Variants in CTNNA2 observed in about 807,000 individuals in gnomAD.
CTNNA2 encodes the protein catenin alpha-2.
CTNNA2 carries 42 observed loss-of-function variants against 101.0 expected under a neutral mutation model. That is an observed-to-expected ratio of 0.42 (90% confidence interval 0.32 to 0.54). The LOEUF (loss-of-function observed/expected upper bound fraction) is 0.54. Among genes scored for constraint, CTNNA2 ranks in the 20% least tolerant of loss-of-function variants. CTNNA2 has a pLI of 0.14. For synonymous variants in CTNNA2, 450 were observed against 456.4 expected, an observed-to-expected ratio of 0.99 and a Z score of 0.18; for missense variants, 871 against 1,223.1, an observed-to-expected ratio of 0.71 and a Z score of 4.29.
intron 2 of CTNNA2, among the ~76,000 whole-genome samples, chr2:79,239,932 C>CTT (rs746189807): frequency 4.6e-5 from 5 of 109,274 alleles, no homozygotes; most frequent in Non-Finnish European, 7.9e-5. Context: ...TTTTCTTTTT[C>CTT]TTTCTTTTTT....
intron 3 of CTNNA2, among the ~76,000 whole-genome samples, chr2:79,362,462 A>C (rs1407680021): frequency 1.3e-5 from 2 of 152,188 alleles, no homozygotes; most frequent in African/African-American, 4.8e-5. Context: ...AAGTATTAGC[A>C]AAAGTGGACC....
At chr2:80,470,046 G>A (rs978328685) in intron 9 of CTNNA2, among the ~76,000 whole-genome samples, 2 of 152,156 alleles carry the variant, frequency 1.3e-5, no homozygotes, top group African/African-American at 2.4e-5. Flanking sequence ...CCCTCCTTCA[G>A]CATTCCTTTA....
chr2:79,812,067 C>T (rs1677084984), intron 3 of CTNNA2, among the ~76,000 whole-genome samples: 1 of 152,092 alleles, frequency 6.6e-6, no homozygotes, highest in African/African-American at 2.4e-5. Context: ...TGCATGTATG[C>T]ATGTATGCGT....
At chr2:79,492,810 G>T (rs77792510) in intron 4 of CTNNA2, among the ~76,000 whole-genome samples, 1 of 151,930 alleles carries the variant, frequency 6.6e-6, no homozygotes, top group Non-Finnish European at 1.5e-5. Flanking sequence ...AAAAATCCTC[G>T]CCAAAATACT....
chr2:80,555,322 T>C (rs913388845), intron 11 of CTNNA2, among the ~76,000 whole-genome samples: 10 of 152,206 alleles, frequency 6.6e-5, no homozygotes, highest in African/African-American at 2.4e-4. Flanking sequence ...AGTATCAAAC[T>C]TCAAAACAAA....
At chr2:80,512,149 CAAAAAAAA>C (rs59359924) in intron 9 of CTNNA2, among the ~76,000 whole-genome samples, 33 of 73,476 alleles carry the variant, frequency 4.5e-4, no homozygotes, top group East Asian at 4.2e-3. Context: ...CACTCTGTCT[CAAAAAAAA>C]AAAAAAAAAA....
At chr2:80,347,838 C>A (rs201642774) in intron 7 of CTNNA2, among the ~76,000 whole-genome samples, 2 of 146,786 alleles carry the variant, frequency 1.4e-5, no homozygotes, top group Admixed American at 1.4e-4. Context: ...TTTTTCTTTT[C>A]TTTTCTTTTT....
At chr2:80,076,803 A>T (rs538724782) in intron 7 of CTNNA2, among the ~76,000 whole-genome samples, 19 of 152,236 alleles carry the variant, frequency 1.2e-4, no homozygotes, top group African/African-American at 4.6e-4. Context: ...AAAGATAAAT[A>T]GGAGATGCTT....
intron 2 of CTNNA2, among the ~76,000 whole-genome samples, chr2:79,217,436 G>GT (rs1674281084): frequency 6.6e-6 from 1 of 152,030 alleles, no homozygotes; most frequent in Non-Finnish European, 1.5e-5. Context: ...AGGTGGGGCC[G>GT]TTTTATAAGA....
chr2:80,127,800 G>A (rs1218515154), intron 7 of CTNNA2, among the ~76,000 whole-genome samples: 3 of 152,038 alleles, frequency 2.0e-5, no homozygotes. Flanking sequence ...CTGGAACTCT[G>A]GGCTATCAAT....
intron 7 of CTNNA2, among the ~76,000 whole-genome samples, chr2:80,335,277 T>A (rs1671673792): frequency 6.6e-6 from 1 of 152,070 alleles, no homozygotes; most frequent in Non-Finnish European, 1.5e-5. Flanking sequence ...ACTCCAGGAG[T>A]AGTTGCATTT....
chr2:80,111,278 G>A (rs962404378), intron 7 of CTNNA2, among the ~76,000 whole-genome samples: 1 of 152,286 alleles, frequency 6.6e-6, no homozygotes, highest in African/African-American at 2.4e-5. Context: ...TTATTATTCA[G>A]CATCTCACAT....
At chr2:80,059,166 C>T (rs1187500577) in intron 7 of CTNNA2, among the ~76,000 whole-genome samples, 1 of 152,144 alleles carries the variant, frequency 6.6e-6, no homozygotes, top group African/African-American at 2.4e-5. Flanking sequence ...CACATATACA[C>T]CCGAGGGCTC....
At chr2:80,587,779 T>G (rs561777540) in intron 14 of CTNNA2, among the ~76,000 whole-genome samples, 1 of 152,338 alleles carries the variant, frequency 6.6e-6, no homozygotes, top group South Asian at 2.1e-4. Flanking sequence ...GTCTGTCTTA[T>G]GGAAAATATG....
chr2:79,210,704 C>G (rs1020086219), intron 2 of CTNNA2, among the ~76,000 whole-genome samples: 1 of 152,058 alleles, frequency 6.6e-6, no homozygotes, highest in Middle Eastern at 3.2e-3. Context: ...TGCCAGGAGC[C>G]CTGCACCAAG....
At chr2:79,930,355 AGAAT>A (rs60171121) in intron 7 of CTNNA2, among the ~76,000 whole-genome samples, 3,561 of 104,940 alleles carry the variant, frequency 0.034, 104 homozygotes, top group Middle Eastern at 0.052. Context: ...AAAGAAAGAA[AGAAT>A]GAACACGGGT....
chr2:79,956,929 C>T (rs1177812508), intron 7 of CTNNA2, among the ~76,000 whole-genome samples: 1 of 134,948 alleles, frequency 7.4e-6, no homozygotes, highest in Non-Finnish European at 1.5e-5. Context: ...TAAAGTGGAT[C>T]TAGTGCAGAA....
intron 2 of CTNNA2, among the ~76,000 whole-genome samples, chr2:79,242,332 TTCA>T (rs2104257287): frequency 6.6e-6 from 1 of 152,318 alleles, no homozygotes; most frequent in African/African-American, 2.4e-5. Context: ...TGTTTCATTT[TTCA>T]ATTCTCAAAA....
chr2:80,250,792 G>A (rs1360245348), intron 7 of CTNNA2, among the ~76,000 whole-genome samples: 1 of 152,068 alleles, frequency 6.6e-6, no homozygotes, highest in Non-Finnish European at 1.5e-5. Flanking sequence ...GTGACTTTGG[G>A]CAATACTTTA....
Sources: gnomAD v4.1 joint callset for allele counts (sites outside exome capture counted in the v4.1 genomes callset) on GRCh38, gnomAD v4.1.1 for gene constraint, MANE v1.5 for transcripts, NCBI Gene and HGNC (gene_info 2026-07-23, HGNC 2026-07-21) for gene names.